The following LRP4 variants were observed in gnomAD, a reference collection of about 807,000 sequenced individuals.
LRP4 encodes LDL receptor related protein 4.
A neutral mutation model predicts 220.3 loss-of-function variants in LRP4; 95 were observed. The ratio of observed to expected loss-of-function variants is 0.43; its 90% CI spans 0.37 to 0.51. The LOEUF (loss-of-function observed/expected upper bound fraction) is 0.51, where lower values mean the gene tolerates loss of function less well. Ranked by LOEUF, LRP4 falls within the 20% of genes least tolerant of loss-of-function variation. LRP4 has a pLI of 0.00. For synonymous variants in LRP4, 903 were observed against 954.6 expected (o/e 0.95, Z 1.00); for missense variants, 1,925 against 2,567.0 (o/e 0.75, Z 5.40).
chr11:46,907,063 A>T (rs1436868265), intron 1 of LRP4, among the ~76,000 whole-genome samples: 3 of 152,232 alleles, frequency 2.0e-5, no homozygotes. Context: ...GTGATCATAA[A>T]GGCAGCTTTT....
intron 1 of LRP4, among the ~76,000 whole-genome samples, chr11:46,903,149 CGCTCTATGACAGGGCTTTTTTGCATG>C (rs1486934347): frequency 2.5e-4 from 38 of 152,242 alleles, no homozygotes; most frequent in African/African-American, 8.9e-4. Flanking sequence ...CCAGGTGACC[CGCTCTATGACAGGGCTTTTTTGCATG>C]GCACCTCTAA....
intron 31 of LRP4, among the ~76,000 whole-genome samples, chr11:46,870,271 A>AAAC (rs367986288): frequency 2.0e-5 from 3 of 152,198 alleles, no homozygotes; most frequent in East Asian, 1.9e-4. Flanking sequence ...TCCATCTTAA[A>AAAC]AACAACAACA....
intron 1 of LRP4, among the ~76,000 whole-genome samples, chr11:46,906,719 C>T (rs1428664400): frequency 4.6e-5 from 7 of 152,094 alleles, no homozygotes; most frequent in African/African-American, 1.7e-4. Flanking sequence ...CCTTAAGCTC[C>T]GTTTGTTTTT....
rs577789513 is a variant in LRP4 at position 46,888,933 on chromosome 11, G to A, written c.2215+478C>T. ...AAAGTAGCAGTTCAGGGACAGACCAGGGAAGATCCCATGATCTTCCACTTG... is the reference window on the plus strand; with the variant it reads ...AAAGTAGCAGTTCAGGGACAGACCAAGGAAGATCCCATGATCTTCCACTTG... On this transcript the variant is annotated intron_variant, in intron 16 of 37. Coordinates refer to ENST00000378623, the MANE Select transcript of LRP4 (RefSeq NM_002334.4). 2.0e-5 allele frequency among the ~76,000 whole-genome samples: 3 copies of A among 152,298 alleles called. No homozygotes were observed. The East Asian group carries it at 5.8e-4, about 29-fold the overall frequency.
chr11:46,908,111 T>C (rs1453474180), intron 1 of LRP4, among the ~76,000 whole-genome samples: 1 of 152,088 alleles, frequency 6.6e-6, no homozygotes. Context: ...TTTGTATTTT[T>C]AGTAGAGACG....
rs1456559859 is a variant in LRP4, at chr11:46,898,992, G to C, written c.588C>G (p.Phe196Leu). ...VPAPPCNLEEFQCAYGRCILD... is the reference protein window; with the variant it reads ...VPAPPCNLEELQCAYGRCILD... ...GGATGCAGCGTCCATAGGCACACTG[G>C]AACTCCTCCAGGTTGCAGGGGGGCG... The change falls in exon 6 of 38, where the codon TTC becomes TTG. Residue 196 changes from phenylalanine (F) to leucine (L), a missense_variant. By Grantham distance (22) the Phe-to-Leu change is conservative (BLOSUM62 0). Around this residue, in one of 3 missense-constraint regions of LRP4, gnomAD observed 412 missense variants for 505.4 expected, o/e 0.82. Transcript: ENST00000378623. The C allele has an allele frequency of 2.5e-6, 4 of 1,613,636 alleles. No individual in the cohort carries two copies. The highest frequency in any genetic ancestry group is 3.4e-6 in the Non-Finnish European group (4 of 1,179,990).
chr11:46,904,414 T>A (rs1941724282), intron 1 of LRP4, among the ~76,000 whole-genome samples: 1 of 152,158 alleles, frequency 6.6e-6, no homozygotes, highest in African/African-American at 2.4e-5. Context: ...GCTCTAGAAC[T>A]TTCCCTCTCC....
intron 34 of LRP4, among the ~76,000 whole-genome samples, chr11:46,867,220 G>A (rs573393948): frequency 1.3e-5 from 2 of 152,226 alleles, no homozygotes; most frequent in East Asian, 3.9e-4. Context: ...GTGTTTGTGT[G>A]TGTGTGTGTG....
intron 1 of LRP4, 28 bp from the exon 2 acceptor site, chr11:46,902,957 G>A (rs1312638275): frequency 6.2e-7 from 1 of 1,613,646 alleles, no homozygotes; most frequent in Non-Finnish European, 8.5e-7. Context: ...GAATCAGTGA[G>A]GGCTCAGCTC....
At position 46,899,994 on chromosome 11, in the gene LRP4, T is replaced by A. The variant is rs371626903; in HGVS notation, c.317-18A>T. 14 of 1,590,808 alleles carry A rather than the reference T, an allele frequency of 8.8e-6. No individual in the cohort carries two copies. Among genetic ancestry groups the A allele is most frequent in the Non-Finnish European group, 1.2e-5 (14 of 1,159,686 alleles). On this transcript the variant is annotated intron_variant, in intron 3 of 37. Coordinates refer to ENST00000378623, the MANE Select transcript of LRP4 (RefSeq NM_002334.4). The surrounding 1 kb of genome is among the most constrained non-coding windows in gnomAD (Gnocchi z 5.9). Reference sequence around the variant, plus strand: ...CCGGGGGGCTGTGGGCACAGAGCAGTCAGGCTGCTGCAGGCAGTGGGGGTC... The same window carrying A: ...CCGGGGGGCTGTGGGCACAGAGCAGACAGGCTGCTGCAGGCAGTGGGGGTC...
chr11:46,879,038 A>G lies in LRP4; in HGVS notation c.3005T>C (p.Val1002Ala). Residue 1002 changes from valine (V) to alanine (A), a missense_variant and splice_region_variant, in exon 22 of 38, where the codon GTG becomes GCG. By Grantham distance (64) the Val-to-Ala change is moderately conservative. Transcript: ENST00000378623. ...ATTCTCCATAGCACATGGTGTAGAC[A>G]CTGGGTAGAGAGGAGGGGATGTTCA... The part of the protein sequence containing the change: ...IHVFHRRRPP[V>A]STPCAMENGG... The G allele has an allele frequency of 6.2e-7, 1 of 1,614,170 alleles. No homozygotes were observed. The highest frequency in any genetic ancestry group is 8.5e-7 in the Non-Finnish European group (1 of 1,180,022).
At chr11:46,885,466 C>T (rs781347869) in intron 18 of LRP4, among the ~76,000 whole-genome samples, 3 of 152,260 alleles carry the variant, frequency 2.0e-5, no homozygotes, top group Non-Finnish European at 4.4e-5. Flanking sequence ...CCCAAACCCA[C>T]CTGGCTAATT....
In LRP4 at chr11:46,893,124, G is replaced by A. The variant is rs1592539185; in HGVS notation, c.1546C>T (p.Leu516=). 6.2e-7 allele frequency: 1 copy of A among 1,614,186 alleles called. No individual in the cohort carries two copies. The highest frequency in any genetic ancestry group is 1.3e-5 in the African/African-American group (1 of 75,052). ...VSTGLESPGG[L]AVDWVHDKLY... is the part of the protein sequence containing the mutation. ...TTGTCATGGACCCAATCCACAGCCA[G>A]GCCCCCTGGTGAGAAGCAGCAGCAA... is the stretch of plus-strand genomic sequence containing the variant. Residue 516 remains leucine (L), a synonymous_variant, in exon 13 of 38, where the codon CTG becomes TTG. Coordinates refer to ENST00000378623, the MANE Select transcript of LRP4 (RefSeq NM_002334.4).
intron 2 of LRP4, among the ~76,000 whole-genome samples, chr11:46,901,828 G>T (rs1592548174): frequency 6.6e-6 from 1 of 151,956 alleles, no homozygotes; most frequent in Admixed American, 6.6e-5. Context: ...TGTCTCCCGG[G>T]TTTACACCAT....
At chr11:46,891,111 T>C (rs1315772461) in intron 13 of LRP4, among the ~76,000 whole-genome samples, 1 of 152,026 alleles carries the variant, frequency 6.6e-6, no homozygotes, top group Non-Finnish European at 1.5e-5. Context: ...TTCCACTGCC[T>C]TTTGTATTTT....
Position 46,879,341 on chromosome 11 carries a change from T to C in LRP4, c.2815-26A>G, listed in dbSNP as rs377216269. The C allele has an allele frequency of 6.1e-5, 99 of 1,612,850 alleles. 1 individual carries two copies. In the Admixed American group the frequency reaches 1.3e-3, roughly 21 times the overall value. On this transcript the variant is annotated intron_variant, in intron 20 of 37. Coordinates refer to ENST00000378623, the MANE Select transcript of LRP4 (RefSeq NM_002334.4). ...CTGCCAGGGCCCCAACACTGTGTCA[T>C]CTTCAACAAAGTCTGACAGTACAGA...
chr11:46,873,686 CTG>C lies in LRP4; in HGVS notation c.4230-95_4230-94del, dbSNP rs1254958511. The C allele has an allele frequency of 5.1e-6, 5 of 973,096 alleles. No homozygotes were observed. The highest frequency in any genetic ancestry group is 7.9e-6 in the Non-Finnish European group (5 of 635,998). 60.3% of individuals were successfully genotyped at this position (973,096 alleles called of 1,614,324 possible). A position where few individuals can be genotyped will look rare whatever the true frequency, so the allele number is the denominator to read the frequency against. ...GTTCCCATAACTGGACCCCACTGAA[CTG>C]TAAGCTCCACAGGGATAGAGACCAG... On this transcript the variant is annotated intron_variant, in intron 28 of 37. Transcript: ENST00000378623. The surrounding 1 kb of genome is among the most constrained non-coding windows in gnomAD (Gnocchi z 4.2).
intron 1 of LRP4, among the ~76,000 whole-genome samples, chr11:46,917,771 G>GC (rs913565014): frequency 3.9e-5 from 6 of 152,082 alleles, no homozygotes; most frequent in African/African-American, 1.4e-4. Context: ...CGCAAACAGT[G>GC]CCCCAGAGCC....
In LRP4 at chr11:46,858,132, A is replaced by G. The variant is rs1194071077; in HGVS notation, c.*851T>C. On this transcript the variant is annotated 3_prime_UTR_variant, in exon 38 of 38. Coordinates refer to ENST00000378623, the MANE Select transcript of LRP4 (RefSeq NM_002334.4). ...TTCAGAGACTCAGCCCCCAAGGCCT[A>G]ACATTCACTCAAGCCACTGGCTCAC... 6.6e-6 allele frequency: 1 copy of G among 152,394 alleles called. No homozygotes were observed. Among genetic ancestry groups the G allele is most frequent in the East Asian group, 1.9e-4 (1 of 5,206 alleles). 9.4% of individuals were successfully genotyped at this position (152,394 alleles called of 1,614,324 possible). A position where few individuals can be genotyped will look rare whatever the true frequency, so the allele number is the denominator to read the frequency against.
Sources: allele counts gnomAD v4.1 joint callset (sites outside exome capture counted in the v4.1 genomes callset), GRCh38; gene constraint gnomAD v4.1.1; regional missense constraint gnomAD v4.1.1; non-coding constraint Gnocchi (gnomAD v3.1); transcripts MANE v1.5; gene names NCBI Gene and HGNC (gene_info 2026-07-23, HGNC 2026-07-21).